THOC7: variants seen among roughly 807,000 people sequenced by gnomAD.
THOC7 encodes the protein NIF3L1-binding protein 1.
In THOC7, 22 loss-of-function variants were observed where a neutral mutation model predicts 33.1. That is an observed-to-expected ratio of 0.66 (90% confidence interval 0.47 to 0.95). THOC7 has a LOEUF of 0.95. Ranked by LOEUF, THOC7 falls within the 40% of genes least tolerant of loss-of-function variation. The probability of loss-of-function intolerance (pLI) is 0.00; values close to 1 mark genes in which losing one functional copy is unlikely to be tolerated. For synonymous variants in THOC7, 77 were observed against 76.8 expected, an observed-to-expected ratio of 1.00 and a Z score of -0.01; for missense variants, 184 against 245.3, an observed-to-expected ratio of 0.75 and a Z score of 1.67.
rs770808914 is a variant in THOC7, at chr3:63,839,772, G to A, written c.21C>T (p.Asp7=). The A allele has an allele frequency of 4.3e-6, 7 of 1,612,848 alleles. No individual in the cohort carries two copies. The highest frequency in any genetic ancestry group is 1.1e-5 in the South Asian group (1 of 91,048). The change falls in exon 2 of 8, where the codon GAC becomes GAT. Residue 7 remains aspartate, a splice_region_variant and synonymous_variant. Coordinates refer to ENST00000295899, the MANE Select transcript of THOC7 (RefSeq NM_025075.4). ...TGAGGAGACGCTTCCGTATAACTTCGTCTGCAGGAAAGAAGGGCAATGTTA... is the reference window on the plus strand; with the variant it reads ...TGAGGAGACGCTTCCGTATAACTTCATCTGCAGGAAAGAAGGGCAATGTTA... MGAVTD[D]EVIRKRLLID...
intron 1 of THOC7, among the ~76,000 whole-genome samples, chr3:63,856,191 T>C (rs1212231793): frequency 6.6e-6 from 1 of 151,948 alleles, no homozygotes; most frequent in Non-Finnish European, 1.5e-5. Context: ...AAGCTAAAAA[T>C]TGAAACAACT....
chr3:63,845,161 C>T, intron 1 of THOC7: 1 of 586,388 alleles, frequency 1.7e-6, no homozygotes, highest in Non-Finnish European at 3.1e-6. Context: ...CCCCTCAGAT[C>T]TGAGCTCTGC....
intron 1 of THOC7, among the ~76,000 whole-genome samples, chr3:63,848,977 T>G (rs1701965869): frequency 6.6e-6 from 1 of 152,240 alleles, no homozygotes; most frequent in Admixed American, 6.5e-5. Flanking sequence ...TTACGGCAAT[T>G]TGGTTGTCTG....
chr3:63,848,869 A>G (rs2107148255), intron 1 of THOC7, among the ~76,000 whole-genome samples: 1 of 152,336 alleles, frequency 6.6e-6, no homozygotes, highest in Non-Finnish European at 1.5e-5. Flanking sequence ...GCAATTTGGT[A>G]AAGCATACTT....
Position 63,834,112 on chromosome 3 carries a change from G to C in THOC7, c.*20C>G, listed in dbSNP as rs748273854. The stretch of plus-strand genomic sequence containing the variant: ...TGTAGCTATTTCAATATTCCTGGGA[G>C]TGGTGGGCAATTAGCCTGTCTATGG... On this transcript the variant is annotated 3_prime_UTR_variant, in exon 8 of 8. Transcript: ENST00000295899. 1 of 1,613,112 alleles carries C rather than the reference G, an allele frequency of 6.2e-7. No individual in the cohort carries two copies. Among genetic ancestry groups the C allele is most frequent in the East Asian group, 2.2e-5 (1 of 44,838 alleles).
chr3:63,837,857 G>A (rs1701665752), intron 4 of THOC7, 119 bp downstream of exon 4: 2 of 770,768 alleles, frequency 2.6e-6, no homozygotes, highest in Admixed American at 3.2e-5. Flanking sequence ...ATTAAAATTT[G>A]GATTTTTTTT....
At chr3:63,838,178 T>TA (rs1701673698) in intron 3 of THOC7, 116 bp from the exon 4 acceptor site, 3 of 1,061,016 alleles carry the variant, frequency 2.8e-6, no homozygotes, top group Non-Finnish European at 4.0e-6. Flanking sequence ...CTAGTATTTT[T>TA]AAAAAATAGC....
chr3:63,846,107 G>A, intron 1 of THOC7: 1 of 365,320 alleles, frequency 2.7e-6, no homozygotes, highest in South Asian at 2.0e-5. Flanking sequence ...CCCTTACCAA[G>A]GATGGTAAAA....
At chr3:63,862,707 A>T (rs748262988) in intron 1 of THOC7, among the ~76,000 whole-genome samples, 11 of 152,138 alleles carry the variant, frequency 7.2e-5, no homozygotes, top group Non-Finnish European at 1.5e-4. Flanking sequence ...ACTCTTAAGA[A>T]GTGGCCTCTC....
intron 5 of THOC7, among the ~76,000 whole-genome samples, 170 bp downstream of exon 5, chr3:63,836,131 A>G (rs1701628995): frequency 6.6e-6 from 1 of 152,004 alleles, no homozygotes; most frequent in Non-Finnish European, 1.5e-5. Context: ...ATAGCTGGTA[A>G]GGTTAGAGGA....
At chr3:63,861,045 C>CT (rs1702200745) in intron 1 of THOC7, 1 of 152,216 alleles carries the variant, frequency 6.6e-6, no homozygotes, top group South Asian at 2.1e-4. Context: ...TAAAACAACT[C>CT]TGACATTAAT....
At chr3:63,835,302 G>C in intron 6 of THOC7, 22 bp downstream of exon 6, 1 of 1,613,248 alleles carries the variant, frequency 6.2e-7, no homozygotes, top group Non-Finnish European at 8.5e-7. Context: ...AGATCATGAA[G>C]GCTAAATATA....
upstream of THOC7, chr3:63,863,941 G>T: frequency 1.2e-5 from 2 of 168,912 alleles, no homozygotes; most frequent in Non-Finnish European, 2.0e-5. Context: ...CGCCTGAGCC[G>T]CGCCGCGCCG....
chr3:63,834,657 TAA>T (rs1227935479), intron 7 of THOC7, among the ~76,000 whole-genome samples: 5 of 138,004 alleles, frequency 3.6e-5, no homozygotes, highest in African/African-American at 5.3e-5. Flanking sequence ...AAGACTGTCT[TAA>T]AAAAAAAAAA....
chr3:63,861,957 A>T (rs576555556), intron 1 of THOC7: 6 of 152,094 alleles, frequency 3.9e-5, no homozygotes, highest in African/African-American at 1.4e-4. Flanking sequence ...GTGCCAGACC[A>T]ATTTTTTTGT....
At chr3:63,863,407 C>G (rs1702282835) in intron 1 of THOC7, 3 of 1,061,648 alleles carry the variant, frequency 2.8e-6, no homozygotes, top group South Asian at 9.1e-5. Context: ...CCTAGACAAA[C>G]CCGGACTCCC....
chr3:63,861,832 A>C (rs567354795), intron 1 of THOC7: 1 of 149,518 alleles, frequency 6.7e-6, no homozygotes, highest in African/African-American at 2.5e-5. Flanking sequence ...TCACTCTGTC[A>C]CCCAGACTGG....
chr3:63,835,211 G>T lies in THOC7; in HGVS notation c.490C>A (p.Arg164=), dbSNP rs1390548298. The change falls in exon 7 of 8, where the codon CGG becomes AGG. Residue 164 remains arginine, a synonymous_variant. Transcript: ENST00000295899. ...ESVEDKLELR[R]KQFHVLLSTI... is the part of the protein sequence containing the mutation. ...CTAAGAAGAACATGAAACTGTTTCC[G>T]TCTCAATTCCAGCTGTGTTAACAAG... 2 of 1,613,410 alleles carry T rather than the reference G, an allele frequency of 1.2e-6. No homozygotes were observed. Among genetic ancestry groups the T allele is most frequent in the Non-Finnish European group, 1.7e-6 (2 of 1,179,752 alleles).
Position 63,838,477 on chromosome 3 carries a change from G to T in THOC7, c.160C>A (p.Leu54Met). The T allele has an allele frequency of 6.2e-7, 1 of 1,608,738 alleles. No homozygotes were observed. The change falls in exon 3 of 8, where the codon CTG becomes ATG. Residue 54 changes from leucine to methionine, a missense_variant. Physicochemically the swap from Leu to Met is conservative, Grantham distance 15. This residue lies in a region of THOC7 where 157 missense variants were observed against 201.3 expected (regional missense o/e 0.78). Transcript: ENST00000295899. ...AATTCACATTGAGACAGCGTGCTCA[G>T]CATACGTTGGTACTGGCTATATCTA... ...EEGYSQYQRM[L>M]STLSQCEFSM...
Sources: allele counts gnomAD v4.1 joint callset (sites outside exome capture counted in the v4.1 genomes callset), GRCh38; gene constraint gnomAD v4.1.1; regional missense constraint gnomAD v4.1.1; transcripts MANE v1.5; gene names NCBI Gene and HGNC (gene_info 2026-07-23, HGNC 2026-07-21).